Variants in JPH3 observed in about 807,000 individuals in gnomAD.
The protein encoded by JPH3 is junctophilin 3, also known as junctophilin-3.
Under a neutral mutation model 59.6 loss-of-function variants are expected in JPH3, and 11 were observed. The ratio of observed to expected loss-of-function variants is 0.18; its 90% CI spans 0.12 to 0.31. JPH3 has a LOEUF of 0.31. Ranked by LOEUF, JPH3 falls within the 10% of genes least tolerant of loss-of-function variation. The pLI, the probability that JPH3 is intolerant of heterozygous loss-of-function variation, is 1.00. For synonymous variants in JPH3, 673 were observed against 483.6 expected (o/e 1.39, Z -5.14); for missense variants, 1,202 against 1,105.7 (o/e 1.09, Z -1.24).
chr16:87,681,050 G>C (rs749166591), intron 2 of JPH3, among the ~76,000 whole-genome samples: 2 of 152,214 alleles, frequency 1.3e-5, no homozygotes, highest in Non-Finnish European at 2.9e-5. Flanking sequence ...GAGCTTACGG[G>C]AGTGGGAGAG....
chr16:87,643,902 G>T lies in JPH3; in HGVS notation c.383-356G>T, dbSNP rs566134440. On this transcript the variant is annotated intron_variant, in intron 1 of 4. Coordinates refer to ENST00000284262, the MANE Select transcript of JPH3 (RefSeq NM_020655.4). Reference sequence around the variant, plus strand: ...TGACTGTAATCACAGCACTTCTGGAGGCTGAGGCAGGATCACTTGAGCCCA... The same window carrying T: ...TGACTGTAATCACAGCACTTCTGGATGCTGAGGCAGGATCACTTGAGCCCA... Among the ~76,000 whole-genome samples the T allele has an allele frequency of 5.8e-4, 89 of 152,270 alleles. 1 individual carries two copies. Among genetic ancestry groups the T allele is most frequent in the Non-Finnish European group, 9.6e-4 (65 of 68,020 alleles).
At chr16:87,631,183 A>G (rs572200863) in intron 1 of JPH3, among the ~76,000 whole-genome samples, 19 of 152,150 alleles carry the variant, frequency 1.2e-4, no homozygotes, top group African/African-American at 4.6e-4. Flanking sequence ...CTTCTTCCCA[A>G]TTCTTCCCCC....
At chr16:87,691,620 G>A (rs938605592) in intron 4 of JPH3, among the ~76,000 whole-genome samples, 3 of 152,142 alleles carry the variant, frequency 2.0e-5, no homozygotes, top group Admixed American at 6.5e-5. Flanking sequence ...CCCCAGAGGG[G>A]TCACCGCGTG....
chr16:87,689,596 T>A, intron 3 of JPH3, 50 bp from the exon 4 acceptor site: 1 of 1,586,620 alleles, frequency 6.3e-7, no homozygotes, highest in Non-Finnish European at 8.6e-7. Flanking sequence ...GGCCTCGCTG[T>A]GGAATGTGCT....
At position 87,628,669 on chromosome 16, in the gene JPH3, G is replaced by A. The variant is rs960710481; in HGVS notation, c.383-15589G>A. ...ACAATAACATGCTAATGTCTCCCTC[G>A]CGGGGCTGTGCGAGAATCGATTCAG... is the stretch of plus-strand genomic sequence containing the variant. On this transcript the variant is annotated intron_variant, in intron 1 of 4. Transcript: ENST00000284262. Among the ~76,000 whole-genome samples, 4 of 152,294 alleles carry A rather than the reference G, an allele frequency of 2.6e-5. 1 individual carries two copies. Among genetic ancestry groups the A allele is most frequent in the Middle Eastern group, 6.8e-3 (2 of 294 alleles).
chr16:87,681,382 G>C (rs1192504555), intron 2 of JPH3, among the ~76,000 whole-genome samples: 1 of 138,684 alleles, frequency 7.2e-6, no homozygotes, highest in Non-Finnish European at 1.5e-5. Flanking sequence ...TGACAGTTCC[G>C]GGAGGTCAGG....
chr16:87,677,189 C>T (rs554996021), intron 2 of JPH3, among the ~76,000 whole-genome samples: 1,746 of 99,524 alleles, frequency 0.018, 82 homozygotes, highest in African/African-American at 0.068. Context: ...TATATATACA[C>T]ACACACACAC....
At chr16:87,657,133 G>A (rs532669420) in intron 2 of JPH3, among the ~76,000 whole-genome samples, 35 of 152,312 alleles carry the variant, frequency 2.3e-4, no homozygotes, top group African/African-American at 7.2e-4. Flanking sequence ...GTTAGGAGGA[G>A]GCCAGGCCAG....
At chr16:87,647,866 G>A (rs989095425) in intron 2 of JPH3, among the ~76,000 whole-genome samples, 1 of 152,226 alleles carries the variant, frequency 6.6e-6, no homozygotes. Flanking sequence ...AGGGGCACTA[G>A]GAACTGGCGT....
At chr16:87,669,474 C>G (rs1408531731) in intron 2 of JPH3, among the ~76,000 whole-genome samples, 1 of 152,254 alleles carries the variant, frequency 6.6e-6, no homozygotes, top group Non-Finnish European at 1.5e-5. Flanking sequence ...ACTTGTCTGT[C>G]ACCTTGGACA....
Position 87,610,837 on chromosome 16 carries a change from C to T in JPH3, c.382+7309C>T, listed in dbSNP as rs186581801. Reference sequence around the variant, plus strand: ...ATGACTGGGAGGCATTTTTGGACCACGATTTAATGAGTAGCATTCATTGCA... The same window carrying T: ...ATGACTGGGAGGCATTTTTGGACCATGATTTAATGAGTAGCATTCATTGCA... On this transcript the variant is annotated intron_variant, in intron 1 of 4. Transcript: ENST00000284262. Among the ~76,000 whole-genome samples, 12 of 152,226 alleles carry T rather than the reference C, an allele frequency of 7.9e-5. No individual in the cohort carries two copies. In the East Asian group the frequency reaches 1.9e-3, roughly 24 times the overall value.
intron 1 of JPH3, among the ~76,000 whole-genome samples, chr16:87,635,356 G>T (rs1003890355): frequency 1.1e-4 from 16 of 152,184 alleles, no homozygotes; most frequent in Admixed American, 1.0e-3. Context: ...GTCAGCTGAC[G>T]GGTGGGGCTT....
At position 87,689,606 on chromosome 16, in the gene JPH3, T is replaced by C. The variant is rs780411190; in HGVS notation, c.1286-40T>C. 3 of 1,598,318 alleles carry C rather than the reference T, an allele frequency of 1.9e-6. No individual in the cohort carries two copies. In the Admixed American group the frequency reaches 5.2e-5, roughly 27 times the overall value. On this transcript the variant is annotated intron_variant, in intron 3 of 4. Transcript: ENST00000284262. Reference sequence around the variant, plus strand: ...ACCGCGGCCTCGCTGTGGAATGTGCTGGGTAACGCCGTCTGGCGTCGTCTT... The same window carrying C: ...ACCGCGGCCTCGCTGTGGAATGTGCCGGGTAACGCCGTCTGGCGTCGTCTT...
chr16:87,626,043 C>G (rs373272696), intron 1 of JPH3, among the ~76,000 whole-genome samples: 1 of 152,160 alleles, frequency 6.6e-6, no homozygotes. Context: ...TCAGGTTGTT[C>G]TTGGAGTATG....
intron 1 of JPH3, among the ~76,000 whole-genome samples, chr16:87,623,117 C>A (rs1382392366): frequency 1.3e-5 from 2 of 152,194 alleles, no homozygotes; most frequent in Non-Finnish European, 2.9e-5. Context: ...TCCACTCTGC[C>A]CACCCCGGAT....
chr16:87,622,745 C>CT (rs910885297), intron 1 of JPH3, among the ~76,000 whole-genome samples: 2 of 152,132 alleles, frequency 1.3e-5, no homozygotes, highest in East Asian at 3.9e-4. Context: ...CAGACCCCCC[C>CT]CCGCCCCACC....
In JPH3 at chr16:87,690,254, A is replaced by C; in HGVS notation, c.1894A>C (p.Lys632Gln). Reference sequence around the variant, plus strand: ...GCATCCCCAGAAAAGACGCTACAGCAAGGGCGGCGCCTGCCGGGGCTTGGG... The same window carrying C: ...GCATCCCCAGAAAAGACGCTACAGCCAGGGCGGCGCCTGCCGGGGCTTGGG... ...ETHPQKRRYS[K>Q]GGACRGLGDD... The change falls in exon 4 of 5, where the codon AAG becomes CAG. Residue 632 changes from lysine to glutamine, a missense_variant. Transcript: ENST00000284262. 1 of 1,604,226 alleles carries C rather than the reference A, an allele frequency of 6.2e-7. No individual in the cohort carries two copies. Among genetic ancestry groups the C allele is most frequent in the Non-Finnish European group, 8.5e-7 (1 of 1,175,872 alleles).
intron 1 of JPH3, among the ~76,000 whole-genome samples, chr16:87,643,227 C>A (rs2150844424): frequency 6.6e-6 from 1 of 152,338 alleles, no homozygotes; most frequent in East Asian, 1.9e-4. Flanking sequence ...AATGTTCTAC[C>A]TTTTCAAGGC....
intron 1 of JPH3, among the ~76,000 whole-genome samples, chr16:87,638,715 T>C (rs1305318631): frequency 6.6e-6 from 1 of 152,138 alleles, no homozygotes; most frequent in Non-Finnish European, 1.5e-5. Flanking sequence ...CTGGTCTCCA[T>C]GTCTGTAGAG....
Sources: allele counts gnomAD v4.1 joint callset (sites outside exome capture counted in the v4.1 genomes callset), GRCh38; gene constraint gnomAD v4.1.1; transcripts MANE v1.5; gene names NCBI Gene and HGNC (gene_info 2026-07-23, HGNC 2026-07-21).